The following GOLGA4 variants were observed in gnomAD, a reference collection of about 807,000 sequenced individuals.
GOLGA4 encodes the protein golgin subfamily A member 4.
GOLGA4 carries 169 observed loss-of-function variants against 265.9 expected under a neutral mutation model. The observed-to-expected ratio is 0.64, with a 90% confidence interval of 0.56 to 0.72. GOLGA4 has a LOEUF of 0.72. Among genes scored for constraint, GOLGA4 ranks in the 30% least tolerant of loss-of-function variants. The pLI, the probability that GOLGA4 is intolerant of heterozygous loss-of-function variation, is 0.00. For missense variants in GOLGA4, 2,482 were observed against 2,483.4 expected (o/e 1.00, Z 0.01); for synonymous variants, 923 against 855.8 (o/e 1.08, Z -1.37).
At chr3:37,262,782 T>C (rs146425907) in intron 2 of GOLGA4, among the ~76,000 whole-genome samples, 1 of 152,144 alleles carries the variant, frequency 6.6e-6, no homozygotes, top group East Asian at 1.9e-4. Flanking sequence ...CAAAAAATAC[T>C]GAGTAATCCT....
At position 37,243,349 on chromosome 3, in the gene GOLGA4, G is replaced by C; in HGVS notation, c.-202G>C. The stretch of plus-strand genomic sequence containing the variant: ...GGCCGAGGCCAGCCAGTGGCACCCG[G>C]AAGAAAGAGACGCGGCGGCGGCGAC... On this transcript the variant is annotated 5_prime_UTR_variant, in exon 1 of 24. Transcript: ENST00000361924. 3 of 579,336 alleles carry C rather than the reference G, an allele frequency of 5.2e-6. No individual in the cohort carries two copies. Among genetic ancestry groups the C allele is most frequent in the Non-Finnish European group, 9.3e-6 (3 of 322,832 alleles). 35.9% of individuals were successfully genotyped at this position (579,336 alleles called of 1,614,324 possible).
At chr3:37,315,356 TA>T in intron 10 of GOLGA4, 63 bp from the exon 11 acceptor site, 1 of 1,397,812 alleles carries the variant, frequency 7.2e-7, no homozygotes, top group Non-Finnish European at 9.9e-7. Context: ...AAATTGAATG[TA>T]AAACACTTTA....
chr3:37,296,731 C>T lies in GOLGA4; in HGVS notation c.814+512C>T, dbSNP rs144984377. Among the ~76,000 whole-genome samples, 1,094 of 151,992 alleles carry T rather than the reference C, an allele frequency of 7.2e-3. 15 individuals are homozygous for T. The highest frequency in any genetic ancestry group is 0.025 in the African/African-American group (1,019 of 41,442). On this transcript the variant is annotated intron_variant, in intron 7 of 23. Coordinates refer to ENST00000361924, the MANE Select transcript of GOLGA4 (RefSeq NM_002078.5). ...GATTACAGGCACACACCACCATGCCCGGCTAATTTTTGTATTTTCAGTAGA... is the reference window on the plus strand; with the variant it reads ...GATTACAGGCACACACCACCATGCCTGGCTAATTTTTGTATTTTCAGTAGA...
intron 2 of GOLGA4, among the ~76,000 whole-genome samples, chr3:37,278,622 T>C (rs1256785234): frequency 6.6e-6 from 1 of 152,200 alleles, no homozygotes; most frequent in African/African-American, 2.4e-5. Flanking sequence ...AGGTAAAGAA[T>C]GAATGTAGGT....
intron 19 of GOLGA4, 79 bp from the exon 20 acceptor site, chr3:37,340,045 G>A (rs767926601): frequency 2.2e-5 from 14 of 636,224 alleles, no homozygotes; most frequent in Non-Finnish European, 4.0e-5. Context: ...AAAAAACCTT[G>A]TGGTGACAGC....
intron 23 of GOLGA4, 130 bp from the exon 24 acceptor site, chr3:37,365,950 C>T (rs996020578): frequency 2.7e-5 from 18 of 665,242 alleles, no homozygotes; most frequent in Non-Finnish European, 3.6e-5. Flanking sequence ...TGCCTCTTTA[C>T]TGCAGTCTCT....
At position 37,325,008 on chromosome 3, in the gene GOLGA4, A is replaced by G. The variant is rs758247833; in HGVS notation, c.3122A>G (p.Asn1041Ser). 4 of 1,613,292 alleles carry G rather than the reference A, an allele frequency of 2.5e-6. No individual in the cohort carries two copies. The highest frequency in any genetic ancestry group is 1.1e-5 in the South Asian group (1 of 90,974). Residue 1041 changes from asparagine (N) to serine (S), a missense_variant, in exon 14 of 24, where the codon AAT becomes AGT. Asn to Ser is a conservative substitution (Grantham distance 46). Around this residue, in one of 3 missense-constraint regions of GOLGA4, gnomAD observed 1,536 missense variants for 1,483.7 expected, o/e 1.04. Transcript: ENST00000361924. Reference sequence around the variant, plus strand: ...ACTGAGGTTCATCGACGAGAACTCAATGATGTCATATCAATCTGGGAAAAG... The same window carrying G: ...ACTGAGGTTCATCGACGAGAACTCAGTGATGTCATATCAATCTGGGAAAAG... ...SLTEVHRREL[N>S]DVISIWEKKL...
intron 16 of GOLGA4, among the ~76,000 whole-genome samples, chr3:37,334,328 G>A (rs1042108269): frequency 6.6e-6 from 1 of 152,112 alleles, no homozygotes; most frequent in Non-Finnish European, 1.5e-5. Flanking sequence ...TGAGACAAAG[G>A]AAGTCATTAC....
chr3:37,284,351 G>A (rs1294811842), intron 3 of GOLGA4, among the ~76,000 whole-genome samples: 1 of 151,790 alleles, frequency 6.6e-6, no homozygotes, highest in African/African-American at 2.4e-5. Context: ...TGCAACCTCC[G>A]CCTACTGGGT....
chr3:37,319,379 A>G (rs748788507), intron 12 of GOLGA4, 185 bp downstream of exon 12: 34 of 412,692 alleles, frequency 8.2e-5, no homozygotes, highest in Non-Finnish European at 8.1e-5. Flanking sequence ...GTGAAAATTA[A>G]ATTTACTGAT....
At chr3:37,265,243 T>C (rs957174570) in intron 2 of GOLGA4, among the ~76,000 whole-genome samples, 1 of 152,128 alleles carries the variant, frequency 6.6e-6, no homozygotes, top group Admixed American at 6.6e-5. Flanking sequence ...CTAATTAATG[T>C]TTGTCAGTAT....
chr3:37,264,023 A>G (rs1314580837), intron 2 of GOLGA4, among the ~76,000 whole-genome samples: 3 of 152,212 alleles, frequency 2.0e-5, no homozygotes, highest in African/African-American at 4.8e-5. Context: ...AGGCTTTGAG[A>G]TGACTGTCAG....
At chr3:37,314,327 A>G (rs1164890907) in intron 10 of GOLGA4, among the ~76,000 whole-genome samples, 1 of 151,976 alleles carries the variant, frequency 6.6e-6, no homozygotes, top group African/African-American at 2.4e-5. Context: ...TTTGTTTGAT[A>G]ATGTTGAGCT....
intron 19 of GOLGA4, 54 bp from the exon 20 acceptor site, chr3:37,340,069 CT>C: frequency 1.3e-6 from 1 of 744,818 alleles, no homozygotes; most frequent in Non-Finnish European, 2.3e-6. Flanking sequence ...CTTTCTTTTT[CT>C]TACATACAGT....
intron 20 of GOLGA4, among the ~76,000 whole-genome samples, chr3:37,345,035 T>C (rs984114088): frequency 3.9e-5 from 6 of 151,936 alleles, no homozygotes; most frequent in Non-Finnish European, 7.4e-5. Flanking sequence ...GACAATGTAG[T>C]GGGACCCTGT....
intron 1 of GOLGA4, among the ~76,000 whole-genome samples, chr3:37,246,304 C>T (rs111748430): frequency 2.0e-3 from 280 of 139,418 alleles, no homozygotes; most frequent in Non-Finnish European, 3.1e-3. Context: ...GAGACTCCGT[C>T]TCAAAAAAAA....
intron 2 of GOLGA4, among the ~76,000 whole-genome samples, chr3:37,254,536 T>C (rs947725195): frequency 2.0e-5 from 3 of 152,094 alleles, no homozygotes; most frequent in South Asian, 2.1e-4. Context: ...AATTGTTTAA[T>C]TGTTTTAAAG....
intron 2 of GOLGA4, among the ~76,000 whole-genome samples, chr3:37,258,992 T>C (rs1269667680): frequency 6.6e-6 from 1 of 152,156 alleles, no homozygotes; most frequent in African/African-American, 2.4e-5. Context: ...ACAGCCCCCA[T>C]GAAACGAGTT....
rs2096839840 is a variant in GOLGA4 at position 37,283,359 on chromosome 3, A to C, written c.477+1087A>C. Among the ~76,000 whole-genome samples, 3 of 152,114 alleles carry C rather than the reference A, an allele frequency of 2.0e-5. No homozygotes were observed. The South Asian group carries it at 6.2e-4, about 32-fold the overall frequency. On this transcript the variant is annotated intron_variant, in intron 3 of 23. Transcript: ENST00000361924. Reference sequence around the variant, plus strand: ...TAGAATCAAGCACCTTTTTCCTTTAAATTTTTTTAACTTTTATTTTTAAAT... The same window carrying C: ...TAGAATCAAGCACCTTTTTCCTTTACATTTTTTTAACTTTTATTTTTAAAT...
Sources: allele counts gnomAD v4.1 joint callset (sites outside exome capture counted in the v4.1 genomes callset), GRCh38; gene constraint gnomAD v4.1.1; regional missense constraint gnomAD v4.1.1; transcripts MANE v1.5; gene names NCBI Gene and HGNC (gene_info 2026-07-23, HGNC 2026-07-21).